The following UPF2 variants were observed in gnomAD, a reference collection of about 807,000 sequenced individuals.
UPF2 encodes regulator of nonsense transcripts 2.
Under a neutral mutation model 141.4 loss-of-function variants are expected in UPF2, and 17 were observed. That is an observed-to-expected ratio of 0.12 (90% confidence interval 0.08 to 0.18). The LOEUF is 0.18. UPF2 is among the 10% of genes least tolerant of loss of function. The probability of loss-of-function intolerance (pLI) is 1.00; values close to 1 mark genes in which losing one functional copy is unlikely to be tolerated. For missense variants in UPF2, 1,152 were observed against 1,515.9 expected (o/e 0.76, Z 3.99); for synonymous variants, 540 against 498.0 (o/e 1.08, Z -1.12).
intron 4 of UPF2, among the ~76,000 whole-genome samples, chr10:12,007,085 C>T (rs997063393): frequency 2.0e-5 from 3 of 152,140 alleles, no homozygotes; most frequent in African/African-American, 7.2e-5. Context: ...TTTGTTACAG[C>T]AGCCTGAAAA....
intron 8 of UPF2, among the ~76,000 whole-genome samples, chr10:11,997,185 T>C (rs771678253): frequency 2.0e-4 from 30 of 152,184 alleles, no homozygotes; most frequent in South Asian, 6.2e-4. Flanking sequence ...AACATAATCA[T>C]TAATATGATT....
chr10:12,021,664 A>C (rs1834320040), intron 3 of UPF2, among the ~76,000 whole-genome samples: 2 of 152,234 alleles, frequency 1.3e-5, no homozygotes, highest in African/African-American at 2.4e-5. Context: ...AAAAAGGAAA[A>C]TAGTCTTGAC....
chr10:11,925,064 C>A (rs989951620), intron 21 of UPF2, among the ~76,000 whole-genome samples: 1 of 152,132 alleles, frequency 6.6e-6, no homozygotes, highest in African/African-American at 2.4e-5. Flanking sequence ...GGTGATCTGC[C>A]TTCCTCGGCC....
chr10:12,030,873 G>A (rs1362157357), intron 2 of UPF2, among the ~76,000 whole-genome samples: 3 of 146,322 alleles, frequency 2.1e-5, no homozygotes, highest in African/African-American at 7.6e-5. Flanking sequence ...GACAGAGCAA[G>A]ACTCTGTCTC....
At chr10:11,978,500 AG>A (rs976318078) in intron 9 of UPF2, among the ~76,000 whole-genome samples, 3 of 152,166 alleles carry the variant, frequency 2.0e-5, no homozygotes, top group African/African-American at 7.2e-5. Flanking sequence ...AGGGTTAGAG[AG>A]GAAGGGAAGC....
chr10:11,971,427 T>C (rs1833415991), intron 9 of UPF2, among the ~76,000 whole-genome samples: 1 of 152,144 alleles, frequency 6.6e-6, no homozygotes, highest in South Asian at 2.1e-4. Flanking sequence ...GCTAATTTTG[T>C]ATTTTTAGTA....
intron 9 of UPF2, among the ~76,000 whole-genome samples, chr10:11,977,486 T>C (rs966429224): frequency 6.6e-6 from 1 of 152,196 alleles, no homozygotes; most frequent in Non-Finnish European, 1.5e-5. Flanking sequence ...ACCCCCATTT[T>C]CAAATGAGAG....
chr10:12,012,596 G>A lies in UPF2; in HGVS notation c.1306+1428C>T, dbSNP rs1018693444. 5.3e-5 allele frequency among the ~76,000 whole-genome samples: 8 copies of A among 151,554 alleles called. No individual in the cohort carries two copies. In the South Asian group the frequency reaches 6.3e-4, roughly 12 times the overall value. On this transcript the variant is annotated intron_variant, in intron 4 of 21. Transcript: ENST00000357604. ...TTCTCAATCATGAGGTCAGGAGATC[G>A]AGATCATCCTGGCTAACATGGTGAA... is the stretch of plus-strand genomic sequence containing the variant.
chr10:11,928,687 C>A lies in UPF2; in HGVS notation c.3809+1178G>T, dbSNP rs193109360. ...TGGCGCCACTGCATTCCAGCCTGGG[C>A]GACAGAGCCAGACTCCGCCTCAGAA... On this transcript the variant is annotated intron_variant, in intron 21 of 21. Coordinates refer to ENST00000357604, the MANE Select transcript of UPF2 (RefSeq NM_015542.4). The A allele has an allele frequency of 4.1e-5, 14 of 337,354 alleles. 1 individual carries two copies. Among genetic ancestry groups the A allele is most frequent in the South Asian group, 2.8e-4 (12 of 43,104 alleles). The allele number at this position is 337,354 out of a possible 1,614,324, so 20.9% of individuals were successfully genotyped here.
intron 21 of UPF2, among the ~76,000 whole-genome samples, chr10:11,927,535 G>T (rs1832728314): frequency 6.6e-6 from 1 of 152,164 alleles, no homozygotes; most frequent in South Asian, 2.1e-4. Flanking sequence ...CTAAGAAAAT[G>T]CAAAAGCAGG....
chr10:12,031,184 A>C (rs1048877732), intron 2 of UPF2, among the ~76,000 whole-genome samples: 13 of 151,568 alleles, frequency 8.6e-5, no homozygotes, highest in Non-Finnish European at 1.5e-4. Context: ...AAAAAAAAAA[A>C]AAAAAACAAA....
rs184639379 is a variant in UPF2 at position 11,976,565 on chromosome 10, T to C, written c.1953+2492A>G. 1.6e-4 allele frequency among the ~76,000 whole-genome samples: 24 copies of C among 152,328 alleles called. 1 individual carries two copies. The East Asian group carries it at 3.9e-3, about 24-fold the overall frequency. ...ATAATGAATTTGGTTTGGGGACTAA[T>C]TTAGCTCCAAGTACATGAAAACTTT... On this transcript the variant is annotated intron_variant, in intron 9 of 21. Coordinates refer to ENST00000357604, the MANE Select transcript of UPF2 (RefSeq NM_015542.4).
At chr10:11,988,931 C>G (rs961908161) in intron 8 of UPF2, among the ~76,000 whole-genome samples, 1 of 152,234 alleles carries the variant, frequency 6.6e-6, no homozygotes, top group Non-Finnish European at 1.5e-5. Flanking sequence ...AGGGAATTGA[C>G]TGGCACTTGA....
chr10:11,938,252 T>C (rs1312281324), intron 18 of UPF2, among the ~76,000 whole-genome samples: 1 of 152,238 alleles, frequency 6.6e-6, no homozygotes, highest in African/African-American at 2.4e-5. Context: ...TTTGAGTATA[T>C]ACAGAGCTAA....
chr10:12,017,297 T>C (rs1834239467), intron 3 of UPF2, among the ~76,000 whole-genome samples: 1 of 152,212 alleles, frequency 6.6e-6, no homozygotes, highest in African/African-American at 2.4e-5. Context: ...TCTTAACAAG[T>C]TCTGACATTT....
At chr10:12,007,607 G>A (rs986057891) in intron 4 of UPF2, among the ~76,000 whole-genome samples, 2 of 151,992 alleles carry the variant, frequency 1.3e-5, no homozygotes, top group African/African-American at 4.8e-5. Context: ...GCGGCAGGTG[G>A]ATAACGAGGT....
intron 3 of UPF2, chr10:12,026,703 T>G (rs1369470278): frequency 2.3e-6 from 1 of 443,726 alleles, no homozygotes; most frequent in Non-Finnish European, 4.4e-6. Context: ...CAGGCTGGAG[T>G]GCAATGGCAC....
chr10:11,992,461 C>T lies in UPF2; in HGVS notation c.1844+5211G>A, dbSNP rs1005164391. Among the ~76,000 whole-genome samples, 4 of 152,110 alleles carry T rather than the reference C, an allele frequency of 2.6e-5. No homozygotes were observed. The highest frequency in any genetic ancestry group is 9.7e-5 in the African/African-American group (4 of 41,426). On this transcript the variant is annotated intron_variant, in intron 8 of 21. Coordinates refer to ENST00000357604, the MANE Select transcript of UPF2 (RefSeq NM_015542.4). The surrounding 1 kb of genome is among the most constrained non-coding windows in gnomAD (Gnocchi z 4.1). ...ACCACAAACTAATCTTACCACTGCT[C>T]ATGGTAGAAAACAACAGAGACTGTC...
In UPF2 at chr10:12,031,171, C is replaced by CT. The variant is rs551803948; in HGVS notation, c.366-1648dup. ...CCTGGGCGAAAGAGCAAGACTCCAT[C>CT]TCAAAAAAAAAAAAAAAAACAAAAC... On this transcript the variant is annotated intron_variant, in intron 2 of 21. Transcript: ENST00000357604. Among the ~76,000 whole-genome samples the CT allele has an allele frequency of 4.4e-3, 514 of 117,082 alleles. 6 individuals are homozygous for CT. Among genetic ancestry groups the CT allele is most frequent in the Admixed American group, 0.018 (196 of 10,768 alleles). 76.8% of individuals were successfully genotyped at this position (117,082 alleles called of 152,430 possible).
Sources: allele counts gnomAD v4.1 joint callset (sites outside exome capture counted in the v4.1 genomes callset), GRCh38; gene constraint gnomAD v4.1.1; non-coding constraint Gnocchi (gnomAD v3.1); transcripts MANE v1.5; gene names NCBI Gene and HGNC (gene_info 2026-07-23, HGNC 2026-07-21).